The following ACP7 variants were observed in gnomAD, a reference collection of about 807,000 sequenced individuals.
ACP7 encodes acid phosphatase 7, tartrate resistant (putative), also known as acid phosphatase type 7.
In ACP7, 58 loss-of-function variants were observed where a neutral mutation model predicts 60.6. The observed-to-expected ratio is 0.96, with a 90% CI of 0.77 to 1.19. The LOEUF is 1.19. Ranked by LOEUF, ACP7 falls within the 50% of genes most tolerant of loss-of-function variation. The probability of loss-of-function intolerance (pLI) is 0.00; values close to 1 mark genes in which losing one functional copy is unlikely to be tolerated. For missense variants in ACP7, 574 were observed against 596.2 expected (o/e 0.96, Z 0.39); for synonymous variants, 237 against 232.6 (o/e 1.02, Z -0.17).
rs1468199758 is a variant in ACP7, at chr19:39,110,588, C to G, written c.*470C>G. On this transcript the variant is annotated 3_prime_UTR_variant, in exon 13 of 13. Coordinates refer to ENST00000331256, the MANE Select transcript of ACP7 (RefSeq NM_001004318.3). Reference sequence around the variant, plus strand: ...GGCGTCAGGGGCTTTTTCTTCTGAGCCCGGCACTGAGAGTTGGTCTGAAGC... The same window carrying G: ...GGCGTCAGGGGCTTTTTCTTCTGAGGCCGGCACTGAGAGTTGGTCTGAAGC... The G allele has an allele frequency of 6.3e-6, 1 of 157,788 alleles. No individual in the cohort carries two copies. Among genetic ancestry groups the G allele is most frequent in the Non-Finnish European group, 1.4e-5 (1 of 71,330 alleles). 9.8% of individuals were successfully genotyped at this position (157,788 alleles called of 1,614,324 possible). A position where few individuals can be genotyped will look rare whatever the true frequency, so the allele number is the denominator to read the frequency against.
At chr19:39,095,362 A>G (rs113350159) in intron 2 of ACP7, among the ~76,000 whole-genome samples, 4,741 of 152,324 alleles carry the variant, frequency 0.031, 227 homozygotes, top group African/African-American at 0.11. Flanking sequence ...AAACAAAGGC[A>G]TTACAGGGCC....
rs189233375 is a variant in ACP7 at position 39,090,465 on chromosome 19, G to A, written c.121+5075G>A. Among the ~76,000 whole-genome samples the A allele has an allele frequency of 2.7e-4, 40 of 150,318 alleles. No individual in the cohort carries two copies. In the East Asian group the frequency reaches 6.7e-3, roughly 25 times the overall value. On this transcript the variant is annotated intron_variant, in intron 2 of 12. Transcript: ENST00000331256. ...ATTACAGGCATGAGCCACTGTGCCC[G>A]GCCAATAACTTTTAATTAATTAATT...
chr19:39,107,539 G>A (rs139246553), intron 12 of ACP7, among the ~76,000 whole-genome samples: 1,552 of 137,340 alleles, frequency 0.011, 40 homozygotes, highest in African/African-American at 0.04. Flanking sequence ...AGCCGAGATC[G>A]CACCACTCCA....
Position 39,101,052 on chromosome 19 carries a change from G to A in ACP7, c.911G>A (p.Ser304Asn), listed in dbSNP as rs1019999989. The change falls in exon 8 of 13, where the codon AGC (serine) becomes AAC (asparagine). Residue 304 changes from serine to asparagine, a missense_variant. Transcript: ENST00000331256. ...CTGGACGACTGCACACGACATGAAA[G>A]CAAGGTGAGGTCCCTCCCTGGGAGA... ...ADLDDCTRHE[S>N]KVRKGLQGKL... is the part of the protein sequence containing the mutation. 6.2e-6 allele frequency: 10 copies of A among 1,613,900 alleles called. No individual in the cohort carries two copies. The African/African-American group carries it at 1.2e-4, about 19-fold the overall frequency.
Position 39,105,908 on chromosome 19 carries a change from T to C in ACP7, c.1114-1039T>C, listed in dbSNP as rs527633183. On this transcript the variant is annotated intron_variant, in intron 11 of 12. Coordinates refer to ENST00000331256, the MANE Select transcript of ACP7 (RefSeq NM_001004318.3). ...ACTGATGATGCTTACTTTGATCACT[T>C]GGTTAGGGAGGTATCAGCCAGCCAT... Among the ~76,000 whole-genome samples, 3 of 152,296 alleles carry C rather than the reference T, an allele frequency of 2.0e-5. No homozygotes were observed. The South Asian group carries it at 6.2e-4, about 32-fold the overall frequency.
At chr19:39,101,079 A>G (rs368853190) in intron 8 of ACP7, 23 bp downstream of exon 8, 11 of 1,613,850 alleles carry the variant, frequency 6.8e-6, no homozygotes, top group South Asian at 5.5e-5. Context: ...CCTGGGAGAC[A>G]GTGGGGACAT....
chr19:39,088,081 G>T (rs1444399340), intron 2 of ACP7, among the ~76,000 whole-genome samples: 12 of 152,014 alleles, frequency 7.9e-5, no homozygotes, highest in Admixed American at 5.9e-4. Context: ...GAATGCAATG[G>T]CGCAATCATA....
intron 12 of ACP7, among the ~76,000 whole-genome samples, chr19:39,107,578 CAAAAAA>C (rs34130688): frequency 1.2e-5 from 1 of 81,226 alleles, no homozygotes; most frequent in African/African-American, 4.7e-5. Context: ...GACTCTGTCT[CAAAAAA>C]AAAAAAAAAA....
At chr19:39,091,430 GGATTACAGGCATGAGCCA>G (rs1199366279) in intron 2 of ACP7, among the ~76,000 whole-genome samples, 1 of 151,934 alleles carries the variant, frequency 6.6e-6, no homozygotes, top group East Asian at 1.9e-4. Flanking sequence ...CAAAGTGCTG[GGATTACAGGCATGAGCCA>G]CTGTGCCCAG....
Position 39,099,152 on chromosome 19 carries a change from C to T in ACP7, c.505+10C>T, listed in dbSNP as rs114758906. The T allele has an allele frequency of 6.8e-3, 10,180 of 1,503,492 alleles. 554 individuals are homozygous for T. The African/African-American group carries it at 0.12, about 18-fold the overall frequency. 93.1% of individuals were successfully genotyped at this position (1,503,492 alleles called of 1,614,324 possible). On this transcript the variant is annotated intron_variant, in intron 4 of 12. Coordinates refer to ENST00000331256, the MANE Select transcript of ACP7 (RefSeq NM_001004318.3). ...GCCGTTCTCCATGTGGGTGAGGCAT[C>T]CGCAGGGGCGCGCGCAGGGACGGTG...
chr19:39,096,624 T>C (rs2073268743), intron 2 of ACP7, among the ~76,000 whole-genome samples: 1 of 152,176 alleles, frequency 6.6e-6, no homozygotes, highest in Admixed American at 6.5e-5. Flanking sequence ...TCAGGTATCT[T>C]TTCAGCAACA....
At chr19:39,104,746 A>C (rs1352223517) in intron 11 of ACP7, among the ~76,000 whole-genome samples, 1 of 151,958 alleles carries the variant, frequency 6.6e-6, no homozygotes, top group African/African-American at 2.4e-5. Flanking sequence ...TTAGCCGGGC[A>C]TGGTGGTGGG....
chr19:39,098,385 C>A, intron 2 of ACP7, 73 bp from the exon 3 acceptor site: 1 of 1,211,692 alleles, frequency 8.3e-7, no homozygotes, highest in South Asian at 1.8e-5. Flanking sequence ...CAACGCCCCT[C>A]ACTTTTTCTG....
intron 2 of ACP7, among the ~76,000 whole-genome samples, chr19:39,097,068 G>A (rs2073274568): frequency 6.6e-6 from 1 of 152,186 alleles, no homozygotes; most frequent in African/African-American, 2.4e-5. Flanking sequence ...CCAAAGTGCT[G>A]GGTTTACAGG....
chr19:39,087,039 C>T (rs1160538791), intron 2 of ACP7, among the ~76,000 whole-genome samples: 2 of 152,120 alleles, frequency 1.3e-5, no homozygotes, highest in Admixed American at 6.6e-5. Flanking sequence ...GACAGGGTCT[C>T]GCTCTGTCAA....
At position 39,100,844 on chromosome 19, in the gene ACP7, C is replaced by G. The variant is rs748961311; in HGVS notation, c.798C>G (p.Ser266Arg). The change falls in exon 7 of 13, where the codon AGC becomes AGG. Residue 266 changes from serine to arginine, a missense_variant. By Grantham distance (110) the Ser-to-Arg change is moderately radical. Transcript: ENST00000331256. ...AGAGGCAGTTTCGCTGGCTGGAGAG[C>G]GACCTCCAGGTAACCTGGGTGGAGG... is the stretch of plus-strand genomic sequence containing the variant. ...LVQRQFRWLE[S>R]DLQKANKNRA... is the part of the protein sequence containing the mutation. The G allele has an allele frequency of 1.2e-6, 2 of 1,613,442 alleles. No homozygotes were observed.
intron 11 of ACP7, among the ~76,000 whole-genome samples, chr19:39,102,457 AC>A (rs1474413194): frequency 5.9e-5 from 9 of 151,502 alleles, no homozygotes; most frequent in Non-Finnish European, 1.2e-4. Context: ...GCTCACTGCA[AC>A]CTCCGCCTCC....
At chr19:39,101,078 C>T (rs1312353468) in intron 8 of ACP7, 22 bp downstream of exon 8, 5 of 1,613,738 alleles carry the variant, frequency 3.1e-6, no homozygotes, top group Non-Finnish European at 4.2e-6. Flanking sequence ...CCCTGGGAGA[C>T]AGTGGGGACA....
intron 12 of ACP7, 31 bp downstream of exon 12, chr19:39,107,115 C>G: frequency 6.2e-7 from 1 of 1,611,666 alleles, no homozygotes; most frequent in Non-Finnish European, 8.5e-7. Flanking sequence ...AGTCACCTGA[C>G]TGTACAGCCA....
Sources: gnomAD v4.1 joint callset for allele counts (sites outside exome capture counted in the v4.1 genomes callset) on GRCh38, gnomAD v4.1.1 for gene constraint, MANE v1.5 for transcripts, NCBI Gene and HGNC (gene_info 2026-07-23, HGNC 2026-07-21) for gene names.